The following ARHGEF11 variants were observed in gnomAD, a reference collection of about 807,000 sequenced individuals.
ARHGEF11 encodes the protein Rho guanine exchange factor (GEF) 11.
A neutral mutation model predicts 193.7 loss-of-function variants in ARHGEF11; 55 were observed. The ratio of observed to expected loss-of-function variants is 0.28; its 90% CI spans 0.23 to 0.36. The LOEUF is 0.36. Ranked by LOEUF, ARHGEF11 falls within the 10% of genes least tolerant of loss-of-function variation. The pLI is 1.00. For synonymous variants in ARHGEF11, 693 were observed against 768.0 expected (o/e 0.90, Z 1.62); for missense variants, 1,723 against 2,005.6 (o/e 0.86, Z 2.69).
chr1:156,936,497 A>AAAAAAAAATAT (rs370282821), intron 40 of ARHGEF11, among the ~76,000 whole-genome samples: 5 of 33,936 alleles, frequency 1.5e-4, no homozygotes, highest in East Asian at 2.2e-3. Context: ...AAAAAAAAAA[A>AAAAAAAAATAT]ATATATATAT....
chr1:156,956,330 G>A, intron 19 of ARHGEF11, 90 bp downstream of exon 19: 1 of 1,362,196 alleles, frequency 7.3e-7, no homozygotes, highest in East Asian at 2.3e-5. Flanking sequence ...TGCCCAGGCT[G>A]GTCTCGAACT....
chr1:156,937,212 TG>T (rs1221946204), intron 39 of ARHGEF11, 36 bp downstream of exon 39: 2 of 1,612,660 alleles, frequency 1.2e-6, no homozygotes, highest in Admixed American at 3.3e-5. Flanking sequence ...GGTGATGGAC[TG>T]AAGGCCTGCA....
chr1:156,994,392 G>GTGTTT (rs1553220937), intron 1 of ARHGEF11, among the ~76,000 whole-genome samples: 5 of 144,090 alleles, frequency 3.5e-5, no homozygotes, highest in Admixed American at 1.4e-4. Flanking sequence ...TTTATTGTGT[G>GTGTTT]TTTTTTTTTT....
intron 32 of ARHGEF11, 147 bp downstream of exon 32, chr1:156,943,788 A>T: frequency 9.8e-7 from 1 of 1,022,576 alleles, no homozygotes; most frequent in Non-Finnish European, 1.4e-6. Context: ...GGCCAGTCCT[A>T]CCACTTAGGC....
At chr1:156,939,399 C>A (rs902801993) in intron 37 of ARHGEF11, 149 bp downstream of exon 37, 3 of 1,049,162 alleles carry the variant, frequency 2.9e-6, no homozygotes, top group Admixed American at 4.6e-5. Flanking sequence ...TGCCTGATAT[C>A]GGCGTTGTCT....
At position 157,013,299 on chromosome 1, in the gene ARHGEF11, A is replaced by ACACACACACC. The variant is rs534893600; in HGVS notation, c.33-27127_33-27126insGGTGTGTGTG. On this transcript the variant is annotated intron_variant, in intron 1 of 40. Transcript: ENST00000368194. ...CACACACACACACACACACACACAC[A>ACACACACACC]CCAAGAACCTTCTCCGGTGGGTGGG... Among the ~76,000 whole-genome samples the ACACACACACC allele has an allele frequency of 1.5e-3, 226 of 148,730 alleles. 2 individuals carry two copies. The highest frequency in any genetic ancestry group is 0.015 in the East Asian group (74 of 4,974).
intron 8 of ARHGEF11, 75 bp from the exon 9 acceptor site, chr1:156,970,118 G>A: frequency 7.5e-7 from 1 of 1,330,656 alleles, no homozygotes; most frequent in Non-Finnish European, 1.1e-6. Context: ...ACCAATCAGT[G>A]CCTTATTTGC....
intron 1 of ARHGEF11, among the ~76,000 whole-genome samples, chr1:157,027,225 T>A (rs1041785522): frequency 2.6e-5 from 4 of 151,972 alleles, no homozygotes; most frequent in African/African-American, 4.8e-5. Flanking sequence ...CTACAAAACA[T>A]ACAAAAATTA....
intron 1 of ARHGEF11, among the ~76,000 whole-genome samples, chr1:157,000,623 G>A (rs1353462535): frequency 6.6e-6 from 1 of 152,164 alleles, no homozygotes; most frequent in Non-Finnish European, 1.5e-5. Context: ...TACCAACATC[G>A]ATAGGAAAGT....
At chr1:156,968,588 A>G (rs1444995963) in intron 10 of ARHGEF11, among the ~76,000 whole-genome samples, 1 of 152,254 alleles carries the variant, frequency 6.6e-6, no homozygotes, top group Non-Finnish European at 1.5e-5. Context: ...TTTCCCATGG[A>G]CAGGGCAGTA....
intron 1 of ARHGEF11, among the ~76,000 whole-genome samples, chr1:157,016,792 GTTT>G (rs1318165037): frequency 2.6e-5 from 3 of 113,588 alleles, no homozygotes; most frequent in African/African-American, 7.2e-5. Context: ...CCATAATAGA[GTTT>G]TTATTATTTA....
intron 1 of ARHGEF11, among the ~76,000 whole-genome samples, chr1:156,991,497 T>C (rs1244971905): frequency 6.6e-6 from 1 of 151,888 alleles, no homozygotes; most frequent in Non-Finnish European, 1.5e-5. Flanking sequence ...TTTTCGTATT[T>C]TTTATAGAGA....
intron 1 of ARHGEF11, among the ~76,000 whole-genome samples, chr1:157,035,436 G>A (rs1472608140): frequency 1.4e-5 from 2 of 147,926 alleles, no homozygotes; most frequent in African/African-American, 2.5e-5. Context: ...ATGGAGTTTC[G>A]CTCTTGTTGC....
chr1:157,038,762 C>G (rs1672381871), intron 1 of ARHGEF11, among the ~76,000 whole-genome samples: 1 of 152,178 alleles, frequency 6.6e-6, no homozygotes, highest in South Asian at 2.1e-4. Context: ...GGCGTGGTGG[C>G]TTGCACCCAT....
At chr1:157,012,258 T>C (rs1668632140) in intron 1 of ARHGEF11, among the ~76,000 whole-genome samples, 1 of 152,180 alleles carries the variant, frequency 6.6e-6, no homozygotes, top group South Asian at 2.1e-4. Flanking sequence ...TGAATCCATG[T>C]ATGTGAAATA....
rs373508972 is a variant in ARHGEF11, at chr1:156,955,264, G to T, written c.1769-343C>A. On this transcript the variant is annotated intron_variant, in intron 20 of 40. Transcript: ENST00000368194. ...CTGATGGCATTAGGGGAATCTCTGGGTCCCAAACTTGCCCCCAACCTGACT... is the reference window on the plus strand; with the variant it reads ...CTGATGGCATTAGGGGAATCTCTGGTTCCCAAACTTGCCCCCAACCTGACT... 5.9e-5 allele frequency among the ~76,000 whole-genome samples: 9 copies of T among 151,512 alleles called. No individual in the cohort carries two copies. In the East Asian group the frequency reaches 1.4e-3, roughly 23 times the overall value.
intron 10 of ARHGEF11, 146 bp from the exon 11 acceptor site, chr1:156,968,270 G>C (rs756527205): frequency 1.7e-4 from 145 of 853,150 alleles, no homozygotes; most frequent in Non-Finnish European, 2.3e-4. Flanking sequence ...ATTATACTAA[G>C]CCCTTCATTA....
At chr1:156,998,438 C>G (rs777878929) in intron 1 of ARHGEF11, among the ~76,000 whole-genome samples, 3 of 152,310 alleles carry the variant, frequency 2.0e-5, no homozygotes, top group African/African-American at 7.2e-5. Flanking sequence ...TTAGAACAGG[C>G]CTGGCTCTGC....
At chr1:157,034,860 G>A (rs893143577) in intron 1 of ARHGEF11, among the ~76,000 whole-genome samples, 5 of 152,196 alleles carry the variant, frequency 3.3e-5, no homozygotes, top group Non-Finnish European at 1.5e-5. Context: ...CTGTATGTAT[G>A]TGCAAAAGGA....
Sources: gnomAD v4.1 joint callset for allele counts (sites outside exome capture counted in the v4.1 genomes callset) on GRCh38, gnomAD v4.1.1 for gene constraint, MANE v1.5 for transcripts, NCBI Gene and HGNC (gene_info 2026-07-23, HGNC 2026-07-21) for gene names.